Variants in ACACB observed in about 807,000 individuals in gnomAD.
ACACB encodes acetyl-CoA carboxylase beta.
A neutral mutation model predicts 278.8 loss-of-function variants in ACACB; 209 were observed. That is an observed-to-expected ratio of 0.75 (90% CI 0.67 to 0.84). The LOEUF (loss-of-function observed/expected upper bound fraction) is 0.84, where lower values mean the gene tolerates loss of function less well. ACACB is among the 40% of genes least tolerant of loss of function. The pLI is 0.00. For synonymous variants in ACACB, 1,174 were observed against 1,285.6 expected, an observed-to-expected ratio of 0.91 and a Z score of 1.86; for missense variants, 2,850 against 3,269.0, an observed-to-expected ratio of 0.87 and a Z score of 3.13.
intron 19 of ACACB, among the ~76,000 whole-genome samples, chr12:109,205,274 A>G (rs369491000): frequency 6.9e-4 from 105 of 152,248 alleles, no homozygotes; most frequent in African/African-American, 2.4e-3. Flanking sequence ...TGCTGGGTTA[A>G]TGAGGCAGGG....
intron 34 of ACACB, among the ~76,000 whole-genome samples, chr12:109,239,230 T>C (rs1393091185): frequency 6.6e-6 from 1 of 152,030 alleles, no homozygotes; most frequent in East Asian, 1.9e-4. Context: ...TTTTAATAGG[T>C]TTTATTATTG....
chr12:109,191,574 A>T (rs2044884517), intron 13 of ACACB, 39 bp from the exon 14 acceptor site: 1 of 1,611,756 alleles, frequency 6.2e-7, no homozygotes, highest in African/African-American at 1.3e-5. Flanking sequence ...TGATGTATGC[A>T]TGAATTTGGA....
intron 1 of ACACB, among the ~76,000 whole-genome samples, chr12:109,118,889 G>T (rs1443022621): frequency 6.6e-6 from 1 of 152,192 alleles, no homozygotes; most frequent in African/African-American, 2.4e-5. Context: ...TGTTTGCAGT[G>T]ATAATAGTAA....
At chr12:109,244,007 GA>G (rs1406869744) in intron 37 of ACACB, among the ~76,000 whole-genome samples, 1 of 152,048 alleles carries the variant, frequency 6.6e-6, no homozygotes, top group Non-Finnish European at 1.5e-5. Flanking sequence ...TTAAACTAAA[GA>G]GCTTCTGCAC....
In ACACB at chr12:109,258,849, C is replaced by A. The variant is rs971186198; in HGVS notation, c.6361-124C>A. The A allele has an allele frequency of 2.4e-6, 3 of 1,272,482 alleles. No homozygotes were observed. The African/African-American group carries it at 4.5e-5, about 19-fold the overall frequency. 78.8% of individuals were successfully genotyped at this position (1,272,482 alleles called of 1,614,324 possible). A position where few individuals can be genotyped will look rare whatever the true frequency, so the allele number is the denominator to read the frequency against. On this transcript the variant is annotated intron_variant, in intron 46 of 52. Coordinates refer to ENST00000338432, the MANE Select transcript of ACACB (RefSeq NM_001093.4). ...GGGCTTCCATCCTTCTGAGCCCTGG[C>A]TCTGGTGCTGGGGCCAGCACAGATC...
intron 34 of ACACB, among the ~76,000 whole-genome samples, chr12:109,238,414 AATAATATAT>A (rs1259624166): frequency 2.1e-5 from 3 of 140,582 alleles, no homozygotes; most frequent in African/African-American, 7.9e-5. Context: ...AATTATATAT[AATAATATAT>A]ATAATATATT....
chr12:109,247,256 A>T (rs2046973516), intron 39 of ACACB, among the ~76,000 whole-genome samples: 1 of 152,142 alleles, frequency 6.6e-6, no homozygotes, highest in African/African-American at 2.4e-5. Flanking sequence ...CCAAGAAGAC[A>T]GAAAAATAAT....
chr12:109,255,894 G>T (rs2136791253), intron 44 of ACACB, among the ~76,000 whole-genome samples: 1 of 152,266 alleles, frequency 6.6e-6, no homozygotes, highest in East Asian at 1.9e-4. Flanking sequence ...GGCTGTTGAT[G>T]GTAGTCACAT....
intron 20 of ACACB, 48 bp downstream of exon 20, chr12:109,206,904 G>A (rs747823086): frequency 1.2e-6 from 2 of 1,606,722 alleles, no homozygotes; most frequent in East Asian, 4.5e-5. Flanking sequence ...CGGAGGGTCA[G>A]AAGATCTACC....
intron 2 of ACACB, among the ~76,000 whole-genome samples, chr12:109,146,662 C>T (rs192143498): frequency 1.2e-3 from 187 of 152,118 alleles, no homozygotes; most frequent in African/African-American, 4.2e-3. Context: ...TTGTTGTCGC[C>T]GTCTTGAGAT....
intron 22 of ACACB, among the ~76,000 whole-genome samples, chr12:109,213,252 C>T (rs900717554): frequency 9.2e-5 from 14 of 152,068 alleles, no homozygotes; most frequent in African/African-American, 3.1e-4. Flanking sequence ...TTAGTAGAGA[C>T]GGTGTTTCAC....
Position 109,247,693 on chromosome 12 carries a change from G to A in ACACB, c.5659G>A (p.Gly1887Arg), listed in dbSNP as rs2046985987. The A allele has an allele frequency of 9.9e-6, 16 of 1,613,104 alleles. No individual in the cohort carries two copies. Among genetic ancestry groups the A allele is most frequent in the African/African-American group, 1.3e-5 (1 of 75,004 alleles). The change falls in exon 40 of 53, where the codon GGA (glycine) becomes AGA (arginine). Residue 1887 changes from glycine to arginine, a missense_variant. Gly to Arg is a moderately radical substitution (Grantham distance 125). Coordinates refer to ENST00000338432, the MANE Select transcript of ACACB (RefSeq NM_001093.4). ...SVHCKHIEEG[G>R]ESRYMITDII... The stretch of plus-strand genomic sequence containing the variant: ...CCACTGTAAACACATCGAGGAAGGA[G>A]GAGAGTCCAGGTAAATAACTTATCA...
In ACACB at chr12:109,227,548, G is replaced by A. The variant is rs574730142; in HGVS notation, c.4001+59G>A. 34 of 1,529,998 alleles carry A rather than the reference G, an allele frequency of 2.2e-5. 1 individual carries two copies. The highest frequency in any genetic ancestry group is 8.0e-5 in the South Asian group (7 of 87,990). 94.8% of individuals were successfully genotyped at this position (1,529,998 alleles called of 1,614,324 possible). A position where few individuals can be genotyped will look rare whatever the true frequency, so the allele number is the denominator to read the frequency against. On this transcript the variant is annotated intron_variant, in intron 28 of 52. Coordinates refer to ENST00000338432, the MANE Select transcript of ACACB (RefSeq NM_001093.4). ...GTTTCTGTTCTTCCTGACCTCTGTCGTCCTGTCTCTGGAAGGACCTGGCAA... is the reference window on the plus strand; with the variant it reads ...GTTTCTGTTCTTCCTGACCTCTGTCATCCTGTCTCTGGAAGGACCTGGCAA...
intron 41 of ACACB, among the ~76,000 whole-genome samples, chr12:109,250,860 C>G (rs1274601976): frequency 6.6e-6 from 1 of 152,150 alleles, no homozygotes; most frequent in African/African-American, 2.4e-5. Context: ...GAGGGCCAAA[C>G]AAGGCAACCT....
rs150862993 is a variant in ACACB at position 109,219,374 on chromosome 12, G to A, written c.3564+2454G>A. On this transcript the variant is annotated intron_variant, in intron 24 of 52. Coordinates refer to ENST00000338432, the MANE Select transcript of ACACB (RefSeq NM_001093.4). The stretch of plus-strand genomic sequence containing the variant: ...TCTCACGCAGCAGCTTTTAATCCTG[G>A]CTGTACATTAGAATCACCTAGGGGG... 3.5e-3 allele frequency among the ~76,000 whole-genome samples: 529 copies of A among 152,192 alleles called. 5 individuals are homozygous for A. The highest frequency in any genetic ancestry group is 0.012 in the African/African-American group (509 of 41,508).
At chr12:109,247,787 T>C in intron 40 of ACACB, 84 bp downstream of exon 40, 1 of 1,139,650 alleles carries the variant, frequency 8.8e-7, no homozygotes, top group Non-Finnish European at 1.3e-6. Flanking sequence ...TGGCGATATT[T>C]TCCAGTGGGG....
rs2136301621 is a variant in ACACB at position 109,195,103 on chromosome 12, G to T, written c.2481+1374G>T. 1.3e-5 allele frequency among the ~76,000 whole-genome samples: 2 copies of T among 152,272 alleles called. 1 individual carries two copies. Among genetic ancestry groups the T allele is most frequent in the Non-Finnish European group, 2.9e-5 (2 of 68,010 alleles). Reference sequence around the variant, plus strand: ...ATGCACAGGTAGGGGGTGAGGCTTGGTGTCCTAGCCATGGTGTTCTGGGCC... The same window carrying T: ...ATGCACAGGTAGGGGGTGAGGCTTGTTGTCCTAGCCATGGTGTTCTGGGCC... On this transcript the variant is annotated intron_variant, in intron 16 of 52. Coordinates refer to ENST00000338432, the MANE Select transcript of ACACB (RefSeq NM_001093.4).
Position 109,216,906 on chromosome 12 carries a change from G to A in ACACB, c.3550G>A (p.Val1184Met). ...HAQVAKKNQL[V>M]IMLIDELCGP... ...ACAGGTGGCCAAGAAGAACCAGCTG[G>A]TGATCATGTTGATCGTAAGCAGGAA... Residue 1184 changes from valine (V) to methionine (M), a missense_variant, in exon 24 of 53, where the codon GTG (valine) becomes ATG (methionine). This residue lies in a region of ACACB where 2,265 missense variants were observed against 2,561.3 expected (regional missense o/e 0.88). Transcript: ENST00000338432. 1 of 1,613,606 alleles carries A rather than the reference G, an allele frequency of 6.2e-7. No homozygotes were observed. Among genetic ancestry groups the A allele is most frequent in the Non-Finnish European group, 8.5e-7 (1 of 1,179,996 alleles).
At chr12:109,151,503 C>T (rs1285341163) in intron 2 of ACACB, among the ~76,000 whole-genome samples, 1 of 151,510 alleles carries the variant, frequency 6.6e-6, no homozygotes, top group African/African-American at 2.4e-5. Flanking sequence ...TTTCATTTTG[C>T]TTTTCTGCAA....
Sources: allele counts gnomAD v4.1 joint callset (sites outside exome capture counted in the v4.1 genomes callset), GRCh38; gene constraint gnomAD v4.1.1; regional missense constraint gnomAD v4.1.1; transcripts MANE v1.5; gene names NCBI Gene and HGNC (gene_info 2026-07-23, HGNC 2026-07-21).